The following PTPRA variants were observed in gnomAD, a reference collection of about 807,000 sequenced individuals.
PTPRA encodes the protein receptor-type tyrosine-protein phosphatase alpha.
A neutral mutation model predicts 104.8 loss-of-function variants in PTPRA; 25 were observed. The ratio of observed to expected loss-of-function variants is 0.24; its 90% CI spans 0.17 to 0.33. PTPRA has a LOEUF of 0.33. Among genes scored for constraint, PTPRA ranks in the 10% least tolerant of loss-of-function variants. The pLI is 1.00. For synonymous variants in PTPRA, 323 were observed against 368.9 expected (o/e 0.88, Z 1.43); for missense variants, 765 against 1,015.3 (o/e 0.75, Z 3.35).
At chr20:2,951,809 T>G (rs1427909658) in intron 3 of PTPRA, among the ~76,000 whole-genome samples, 2 of 152,220 alleles carry the variant, frequency 1.3e-5, no homozygotes, top group African/African-American at 2.4e-5. Flanking sequence ...GCAATCATCT[T>G]GTGATCTGTT....
upstream of PTPRA, among the ~76,000 whole-genome samples, chr20:2,870,274 A>G (rs1157101941): frequency 1.3e-5 from 2 of 151,986 alleles, no homozygotes; most frequent in East Asian, 3.9e-4. Context: ...AGGCTGAGGC[A>G]GGAGAATCGC....
intron 11 of PTPRA, among the ~76,000 whole-genome samples, chr20:3,012,255 A>G (rs1373519584): frequency 6.6e-6 from 1 of 152,240 alleles, no homozygotes; most frequent in Non-Finnish European, 1.5e-5. Context: ...CACTGGGGCT[A>G]TCATGTACAA....
At chr20:3,018,639 C>CT (rs2064605752) in intron 13 of PTPRA, among the ~76,000 whole-genome samples, 1 of 151,582 alleles carries the variant, frequency 6.6e-6, no homozygotes, top group Non-Finnish European at 1.5e-5. Context: ...CACACAGACA[C>CT]GGCAACCATC....
intron 3 of PTPRA, among the ~76,000 whole-genome samples, chr20:2,959,701 C>G (rs142848237): frequency 6.6e-6 from 1 of 151,978 alleles, no homozygotes; most frequent in Non-Finnish European, 1.5e-5. Context: ...ACCTGTAATC[C>G]CAGCACTTTG....
At position 3,020,256 on chromosome 20, in the gene PTPRA, C is replaced by T. The variant is rs140578961; in HGVS notation, c.1042-1053C>T. ...CCCGAGTACCACCCGCCACCACGCCCAGCTAATTTTTTGTGTTTTTTTTAG... is the reference window on the plus strand; with the variant it reads ...CCCGAGTACCACCCGCCACCACGCCTAGCTAATTTTTTGTGTTTTTTTTAG... On this transcript the variant is annotated intron_variant, in intron 13 of 23. Coordinates refer to ENST00000399903, the MANE Select transcript of PTPRA (RefSeq NM_001385305.1). 2.1e-3 allele frequency among the ~76,000 whole-genome samples: 316 copies of T among 152,224 alleles called. 1 individual carries two copies. In the South Asian group the frequency reaches 0.021, roughly 10 times the overall value.
intron 2 of PTPRA, among the ~76,000 whole-genome samples, chr20:2,934,609 A>G (rs1447733402): frequency 6.6e-6 from 1 of 151,840 alleles, no homozygotes; most frequent in East Asian, 1.9e-4. Context: ...TTTAAGACTC[A>G]GAAAGCTGCA....
intron 20 of PTPRA, among the ~76,000 whole-genome samples, chr20:3,031,914 C>G (rs945223469): frequency 6.6e-6 from 1 of 152,192 alleles, no homozygotes; most frequent in Non-Finnish European, 1.5e-5. Flanking sequence ...TTATATGCCT[C>G]TATCTGATAT....
At chr20:2,895,619 C>T (rs143998278) in intron 1 of PTPRA, among the ~76,000 whole-genome samples, 28 of 151,826 alleles carry the variant, frequency 1.8e-4, no homozygotes, top group African/African-American at 6.8e-4. Context: ...TGCGTTCAAG[C>T]AATTCTCGTG....
At chr20:2,872,321 G>A (rs1397988412), upstream of PTPRA, among the ~76,000 whole-genome samples, 2 of 152,234 alleles carry the variant, frequency 1.3e-5, no homozygotes, top group Admixed American at 1.3e-4. The surrounding 1 kb of genome is among the most constrained non-coding windows in gnomAD (Gnocchi z 7.9). Context: ...CGCCCCGAAT[G>A]TGGGACTCCT....
At chr20:2,944,442 A>T (rs1008534949) in intron 2 of PTPRA, among the ~76,000 whole-genome samples, 10 of 152,122 alleles carry the variant, frequency 6.6e-5, no homozygotes, top group Non-Finnish European at 1.0e-4. Flanking sequence ...AGTTGGTGTC[A>T]CTTGTTGATT....
At chr20:2,877,815 A>G (rs775612690) in intron 1 of PTPRA, among the ~76,000 whole-genome samples, 4 of 152,210 alleles carry the variant, frequency 2.6e-5, no homozygotes, top group African/African-American at 4.8e-5. Flanking sequence ...GAATTCTTCA[A>G]TAGCATAAAA....
At chr20:3,024,792 T>C (rs145379579) in intron 17 of PTPRA, among the ~76,000 whole-genome samples, 171 bp downstream of exon 17, 12 of 152,182 alleles carry the variant, frequency 7.9e-5, no homozygotes, top group Non-Finnish European at 1.6e-4. Context: ...ATCCTGCACG[T>C]TGGAATCACT....
At chr20:2,952,095 G>A (rs2061373113) in intron 3 of PTPRA, among the ~76,000 whole-genome samples, 2 of 151,622 alleles carry the variant, frequency 1.3e-5, no homozygotes, top group South Asian at 4.2e-4. Context: ...ACTCCAGCCT[G>A]GTGACAGAGC....
chr20:3,006,510 A>G (rs2063880441), intron 10 of PTPRA, among the ~76,000 whole-genome samples: 1 of 152,240 alleles, frequency 6.6e-6, no homozygotes. Context: ...GGTATATCAT[A>G]CATTAGCATA....
chr20:3,032,466 C>T (rs933229803), intron 20 of PTPRA, among the ~76,000 whole-genome samples: 5 of 152,182 alleles, frequency 3.3e-5, no homozygotes, highest in African/African-American at 1.2e-4. Context: ...CAGCAAAACT[C>T]CTTTAAAGAG....
chr20:3,015,945 T>C (rs1282738948), intron 12 of PTPRA, 60 bp downstream of exon 12: 18 of 1,475,200 alleles, frequency 1.2e-5, no homozygotes, highest in South Asian at 2.4e-5. Flanking sequence ...TGGGTTTGGT[T>C]TTTTTCTCCC....
intron 11 of PTPRA, among the ~76,000 whole-genome samples, chr20:3,010,986 G>T (rs2064145295): frequency 6.6e-6 from 1 of 152,212 alleles, no homozygotes; most frequent in African/African-American, 2.4e-5. Context: ...TAACCAGTTT[G>T]GTCCCTTCCC....
intron 1 of PTPRA, among the ~76,000 whole-genome samples, chr20:2,908,800 A>G (rs2059519871): frequency 6.6e-6 from 1 of 152,232 alleles, no homozygotes; most frequent in Admixed American, 6.5e-5. Context: ...TTGTTTCGAC[A>G]TGATGGTTAT....
chr20:2,989,751 C>A (rs982072619), intron 9 of PTPRA, among the ~76,000 whole-genome samples: 1 of 152,184 alleles, frequency 6.6e-6, no homozygotes, highest in Non-Finnish European at 1.5e-5. Flanking sequence ...GGCACGGTGG[C>A]TCACGCCTGT....
Sources: allele counts gnomAD v4.1 joint callset (sites outside exome capture counted in the v4.1 genomes callset), GRCh38; gene constraint gnomAD v4.1.1; non-coding constraint Gnocchi (gnomAD v3.1); transcripts MANE v1.5; gene names NCBI Gene and HGNC (gene_info 2026-07-23, HGNC 2026-07-21).